Variants in VPS54 observed in about 807,000 individuals in gnomAD.
The protein encoded by VPS54 is VPS54 subunit of GARP complex.
Under a neutral mutation model 121.5 loss-of-function variants are expected in VPS54, and 45 were observed. The ratio of observed to expected loss-of-function variants is 0.37; its 90% CI spans 0.29 to 0.47. The LOEUF is 0.47. VPS54 is among the 20% of genes least tolerant of loss of function. The pLI is 0.99. For missense variants in VPS54, 1,090 were observed against 1,131.4 expected (o/e 0.96, Z 0.52); for synonymous variants, 371 against 385.8 (o/e 0.96, Z 0.45).
At chr2:63,989,969 T>C (rs193163196) in intron 1 of VPS54, among the ~76,000 whole-genome samples, 281 of 152,344 alleles carry the variant, frequency 1.8e-3, no homozygotes, top group Non-Finnish European at 3.0e-3. Context: ...GGGAACCATA[T>C]GTAAAAGTAT....
chr2:63,893,548 G>A lies in VPS54; in HGVS notation c.2829-13C>T. On this transcript the variant is annotated splice_polypyrimidine_tract_variant and intron_variant, in intron 22 of 22. Coordinates refer to ENST00000272322, the MANE Select transcript of VPS54 (RefSeq NM_016516.3). ...TGCTGTGACCAACCTAAATAATGGA[G>A]AGAAAATTATTTTTTAAATCTCAAA... 2 of 1,597,370 alleles carry A rather than the reference G, an allele frequency of 1.3e-6. No homozygotes were observed. The highest frequency in any genetic ancestry group is 1.7e-6 in the Non-Finnish European group (2 of 1,170,818).
chr2:63,956,844 C>T (rs181744179), intron 7 of VPS54, among the ~76,000 whole-genome samples: 10 of 152,120 alleles, frequency 6.6e-5, no homozygotes, highest in African/African-American at 9.6e-5. Flanking sequence ...AGAGTGTTAA[C>T]GACAATTATG....
At chr2:63,981,370 C>A (rs1032453713) in intron 3 of VPS54, among the ~76,000 whole-genome samples, 2 of 152,114 alleles carry the variant, frequency 1.3e-5, no homozygotes, top group Non-Finnish European at 1.5e-5. Context: ...ATAGGCCTAA[C>A]AGAATCATTT....
intron 1 of VPS54, among the ~76,000 whole-genome samples, chr2:64,012,268 A>T (rs758605039): frequency 6.6e-6 from 1 of 151,956 alleles, no homozygotes; most frequent in Non-Finnish European, 1.5e-5. Context: ...AAACAGTAAA[A>T]TATGCTGATT....
chr2:63,965,875 C>A lies in VPS54; in HGVS notation c.584G>T (p.Gly195Val), dbSNP rs147871646. Residue 195 changes from glycine (G) to valine (V), a missense_variant, in exon 6 of 23, where the codon GGA (glycine) becomes GTA (valine). By Grantham distance (109) the Gly-to-Val change is moderately radical. Transcript: ENST00000272322. ...CTTTGAGGAAGCTGCATCACGATTT[C>A]CTTTTCCACCAGCAGTATTAAAATG... ...WSHFNTAGGK[G>V]NRDAASSKLL... 4.5e-5 allele frequency: 72 copies of A among 1,612,664 alleles called. No individual in the cohort carries two copies. In the South Asian group the frequency reaches 6.4e-4, roughly 14 times the overall value.
intron 5 of VPS54, 98 bp downstream of exon 5, chr2:63,968,859 G>T: frequency 1.0e-6 from 1 of 971,942 alleles, no homozygotes; most frequent in Non-Finnish European, 1.6e-6. Context: ...AGTAGCCAAA[G>T]GGTCAAAAAA....
At chr2:63,946,983 T>C (rs747285828) in intron 9 of VPS54, among the ~76,000 whole-genome samples, 46 of 152,148 alleles carry the variant, frequency 3.0e-4, no homozygotes, top group South Asian at 6.2e-4. Context: ...GTGCTATTTA[T>C]TGTATTAAAT....
chr2:63,903,173 A>G (rs1237489020), intron 20 of VPS54, among the ~76,000 whole-genome samples: 3 of 152,224 alleles, frequency 2.0e-5, no homozygotes, highest in Non-Finnish European at 4.4e-5. Flanking sequence ...TAGACACATC[A>G]TAGTGAAACT....
At chr2:63,899,829 T>C (rs1483964618) in intron 20 of VPS54, among the ~76,000 whole-genome samples, 1 of 152,174 alleles carries the variant, frequency 6.6e-6, no homozygotes, top group Non-Finnish European at 1.5e-5. Flanking sequence ...CTTCCAATCT[T>C]AGAACAGACT....
intron 11 of VPS54, among the ~76,000 whole-genome samples, chr2:63,941,703 T>C (rs1429446672): frequency 6.6e-6 from 1 of 152,110 alleles, no homozygotes; most frequent in African/African-American, 2.4e-5. Context: ...TGATGCTTGA[T>C]TGGATTCGTG....
intron 22 of VPS54, among the ~76,000 whole-genome samples, chr2:63,895,976 T>C (rs750763939): frequency 5.3e-5 from 8 of 152,176 alleles, no homozygotes; most frequent in Admixed American, 3.3e-4. Context: ...ATGAGCAGGG[T>C]TAGGCCTTAA....
chr2:63,970,237 A>ACACACAC, intron 4 of VPS54, among the ~76,000 whole-genome samples: 2 of 142,514 alleles, frequency 1.4e-5, no homozygotes, highest in Admixed American at 7.2e-5. Flanking sequence ...ACACACACAC[A>ACACACAC]TTCTAATATA....
intron 12 of VPS54, among the ~76,000 whole-genome samples, chr2:63,929,453 T>C (rs1674077942): frequency 6.6e-6 from 1 of 152,164 alleles, no homozygotes. Context: ...AACAAAGATG[T>C]TCTTTGAAAC....
intron 15 of VPS54, among the ~76,000 whole-genome samples, chr2:63,919,468 T>C (rs1249957653): frequency 6.6e-6 from 1 of 152,124 alleles, no homozygotes; most frequent in Non-Finnish European, 1.5e-5. Flanking sequence ...ACTCAATTCA[T>C]GTATGTAAAC....
At chr2:63,958,740 A>G (rs1176702549) in intron 7 of VPS54, among the ~76,000 whole-genome samples, 1 of 152,176 alleles carries the variant, frequency 6.6e-6, no homozygotes, top group Non-Finnish European at 1.5e-5. Flanking sequence ...CATTTTAAAA[A>G]AGCAATACAA....
chr2:64,011,463 G>A (rs1678425856), intron 1 of VPS54, among the ~76,000 whole-genome samples: 1 of 152,162 alleles, frequency 6.6e-6, no homozygotes, highest in Non-Finnish European at 1.5e-5. Context: ...CTACTCGGGA[G>A]GCTGAGGCAG....
intron 1 of VPS54, among the ~76,000 whole-genome samples, chr2:64,003,406 T>C (rs1334991615): frequency 6.6e-6 from 1 of 152,232 alleles, no homozygotes; most frequent in Non-Finnish European, 1.5e-5. Flanking sequence ...TGAAGCTTTC[T>C]TTGGTTTCTC....
chr2:63,930,333 T>C (rs1396147541), intron 12 of VPS54, among the ~76,000 whole-genome samples: 1 of 152,156 alleles, frequency 6.6e-6, no homozygotes, highest in Non-Finnish European at 1.5e-5. Context: ...GTCAGCTTCA[T>C]CCCTGGGATG....
At chr2:63,983,837 A>T (rs200670653) in intron 2 of VPS54, 27 bp downstream of exon 2, 1 of 1,574,676 alleles carries the variant, frequency 6.4e-7, no homozygotes. Context: ...TCATCAGTAA[A>T]AATCCTACAA....
Sources: allele counts gnomAD v4.1 joint callset (sites outside exome capture counted in the v4.1 genomes callset), GRCh38; gene constraint gnomAD v4.1.1; transcripts MANE v1.5; gene names NCBI Gene and HGNC (gene_info 2026-07-23, HGNC 2026-07-21).